AGBL4: variants seen among roughly 807,000 people sequenced by gnomAD.
AGBL4 encodes AGBL carboxypeptidase 4.
A neutral mutation model predicts 66.4 loss-of-function variants in AGBL4; 58 were observed. The ratio of observed to expected loss-of-function variants is 0.87; its 90% confidence interval spans 0.71 to 1.09. The LOEUF is 1.09. Among genes scored for constraint, AGBL4 ranks in the 50% least tolerant of loss-of-function variants. The pLI is 0.00. For synonymous variants in AGBL4, 234 were observed against 222.9 expected (o/e 1.05, Z -0.44); for missense variants, 579 against 631.0 (o/e 0.92, Z 0.88).
At chr1:49,180,744 A>G (rs1646916663) in intron 4 of AGBL4, among the ~76,000 whole-genome samples, 1 of 152,206 alleles carries the variant, frequency 6.6e-6, no homozygotes, top group Admixed American at 6.5e-5. Flanking sequence ...GCACAGATGC[A>G]CCATACATCC....
At chr1:48,718,117 C>A (rs559034896) in intron 6 of AGBL4, among the ~76,000 whole-genome samples, 1 of 152,288 alleles carries the variant, frequency 6.6e-6, no homozygotes, top group South Asian at 2.1e-4. Context: ...AAACAAGGCA[C>A]CTTATAAGCA....
At chr1:49,015,843 C>T (rs1314886909) in intron 5 of AGBL4, among the ~76,000 whole-genome samples, 5 of 151,908 alleles carry the variant, frequency 3.3e-5, no homozygotes, top group Non-Finnish European at 7.4e-5. Flanking sequence ...GAAAGAAACC[C>T]GAGTCTTCAG....
At chr1:49,186,201 T>G (rs2148196334) in intron 4 of AGBL4, among the ~76,000 whole-genome samples, 1 of 152,308 alleles carries the variant, frequency 6.6e-6, no homozygotes, top group Admixed American at 6.5e-5. Flanking sequence ...TACATATTTC[T>G]TCATTCCTAT....
chr1:49,405,744 A>G (rs941975884), intron 3 of AGBL4, among the ~76,000 whole-genome samples: 1 of 152,214 alleles, frequency 6.6e-6, no homozygotes, highest in African/African-American at 2.4e-5. Flanking sequence ...CTACGTTTTT[A>G]TCAGGGCAAC....
chr1:49,997,900 G>T (rs1479684295), intron 1 of AGBL4, among the ~76,000 whole-genome samples: 1 of 151,866 alleles, frequency 6.6e-6, no homozygotes, highest in Non-Finnish European at 1.5e-5. Context: ...AACTCCAAAA[G>T]GAACCCTCAA....
intron 3 of AGBL4, among the ~76,000 whole-genome samples, chr1:49,515,828 A>T (rs1472900083): frequency 6.8e-6 from 1 of 147,644 alleles, no homozygotes; most frequent in African/African-American, 2.5e-5. Context: ...CATAGGTGGG[A>T]ATTGAACAAT....
chr1:49,100,477 T>C (rs1447918277), intron 4 of AGBL4, among the ~76,000 whole-genome samples: 1 of 152,216 alleles, frequency 6.6e-6, no homozygotes, highest in Non-Finnish European at 1.5e-5. Context: ...TGCATCATTG[T>C]GTCCACCACA....
At chr1:49,780,896 A>C (rs1644320338) in intron 2 of AGBL4, among the ~76,000 whole-genome samples, 1 of 152,192 alleles carries the variant, frequency 6.6e-6, no homozygotes, top group Non-Finnish European at 1.5e-5. Flanking sequence ...GAATGGATTA[A>C]ATAATCCAAT....
intron 2 of AGBL4, among the ~76,000 whole-genome samples, chr1:49,818,106 C>T (rs1340588423): frequency 6.6e-6 from 1 of 152,086 alleles, no homozygotes; most frequent in Non-Finnish European, 1.5e-5. Flanking sequence ...CATTGATCCA[C>T]ACTAGCAGCC....
intron 5 of AGBL4, among the ~76,000 whole-genome samples, chr1:48,940,434 G>C (rs1655870218): frequency 6.6e-6 from 1 of 152,146 alleles, no homozygotes; most frequent in Non-Finnish European, 1.5e-5. Flanking sequence ...CGGGCTCAAA[G>C]TACACAGTAA....
intron 2 of AGBL4, among the ~76,000 whole-genome samples, chr1:49,787,988 T>G (rs988336819): frequency 1.3e-5 from 2 of 152,050 alleles, no homozygotes; most frequent in African/African-American, 4.8e-5. Flanking sequence ...AAGTACAATA[T>G]TTCCAAAAAC....
At chr1:49,783,119 T>C (rs1241462221) in intron 2 of AGBL4, among the ~76,000 whole-genome samples, 1 of 152,004 alleles carries the variant, frequency 6.6e-6, no homozygotes, top group East Asian at 1.9e-4. Context: ...TTCAAAACTA[T>C]GAGAAATAAG....
chr1:49,941,045 G>C (rs574711695), intron 1 of AGBL4, among the ~76,000 whole-genome samples: 1 of 152,170 alleles, frequency 6.6e-6, no homozygotes, highest in Non-Finnish European at 1.5e-5. Flanking sequence ...ACAATTATGA[G>C]CCAACAAATT....
chr1:48,825,732 A>C (rs914960299), intron 6 of AGBL4, among the ~76,000 whole-genome samples: 10 of 152,216 alleles, frequency 6.6e-5, no homozygotes, highest in African/African-American at 2.4e-4. Context: ...AAAATGCATC[A>C]TATATGCAAG....
chr1:49,874,463 C>A (rs1437539372), intron 1 of AGBL4, among the ~76,000 whole-genome samples: 1 of 152,008 alleles, frequency 6.6e-6, no homozygotes. Flanking sequence ...CTAAAAAACC[C>A]AATAAAGTTT....
At chr1:48,826,557 T>C (rs1187684088) in intron 6 of AGBL4, among the ~76,000 whole-genome samples, 1 of 152,132 alleles carries the variant, frequency 6.6e-6, no homozygotes, top group African/African-American at 2.4e-5. Flanking sequence ...TCAGATGAAC[T>C]TCAGGTTAAG....
intron 3 of AGBL4, among the ~76,000 whole-genome samples, chr1:49,347,711 T>G (rs1645662862): frequency 6.6e-6 from 1 of 151,238 alleles, no homozygotes; most frequent in African/African-American, 2.4e-5. Flanking sequence ...TACAAAAAAA[T>G]TAGCCGGGCG....
intron 2 of AGBL4, among the ~76,000 whole-genome samples, chr1:49,839,287 A>G (rs1291343375): frequency 6.6e-6 from 1 of 152,224 alleles, no homozygotes; most frequent in Non-Finnish European, 1.5e-5. Context: ...ATTATGAGTC[A>G]GAAACAAGGA....
chr1:49,473,127 A>AT lies in AGBL4; in HGVS notation c.282+224185dup, dbSNP rs36080403. 2.0e-5 allele frequency among the ~76,000 whole-genome samples: 3 copies of AT among 152,120 alleles called. No homozygotes were observed. In the East Asian group the frequency reaches 5.8e-4, roughly 30 times the overall value. ...CTGAGATAATCATGCAAATGCATGT[A>AT]TTTTTTGGTAAAATGATTTATTTTC... On this transcript the variant is annotated intron_variant, in intron 3 of 13. Transcript: ENST00000371839.
Sources: gnomAD v4.1 joint callset for allele counts (sites outside exome capture counted in the v4.1 genomes callset) on GRCh38, gnomAD v4.1.1 for gene constraint, MANE v1.5 for transcripts, NCBI Gene and HGNC (gene_info 2026-07-23, HGNC 2026-07-21) for gene names.